The following NR6A1 variants were observed in gnomAD, a reference collection of about 807,000 sequenced individuals.
NR6A1 encodes the protein retinoic acid receptor-related testis-associated receptor.
A neutral mutation model predicts 59.1 loss-of-function variants in NR6A1; 7 were observed. That is an observed-to-expected ratio of 0.12 (90% confidence interval 0.07 to 0.22). The LOEUF (loss-of-function observed/expected upper bound fraction) is 0.22, where lower values mean the gene tolerates loss of function less well. Among genes scored for constraint, NR6A1 ranks in the 10% least tolerant of loss-of-function variants. NR6A1 has a pLI of 1.00. For synonymous variants in NR6A1, 243 were observed against 236.1 expected (o/e 1.03, Z -0.27); for missense variants, 468 against 611.6 (o/e 0.77, Z 2.48).
chr9:124,622,256 C>G (rs1389440694), intron 2 of NR6A1, among the ~76,000 whole-genome samples: 1 of 152,178 alleles, frequency 6.6e-6, no homozygotes, highest in Non-Finnish European at 1.5e-5. Context: ...ACGCTCTTCT[C>G]CAGTTTACAC....
intron 8 of NR6A1, 137 bp downstream of exon 8, chr9:124,526,642 T>C (rs1340410312): frequency 7.8e-7 from 1 of 1,284,038 alleles, no homozygotes; most frequent in Non-Finnish European, 1.1e-6. Flanking sequence ...GCACAAGTCT[T>C]CCTGGATTGA....
At chr9:124,543,700 T>A (rs897880399) in intron 4 of NR6A1, 102 bp downstream of exon 4, 4 of 784,384 alleles carry the variant, frequency 5.1e-6, no homozygotes, top group Admixed American at 3.3e-5. Context: ...CAAAGATGGC[T>A]CTCCTCAGCA....
rs191727884 is a variant in NR6A1, at chr9:124,669,886, C to G, written c.142+63422G>C. ...TGCTGGAATTACAGGGGTGAGCCACCGTGCCCAGCCTTATTTTCTTGACTC... is the reference window on the plus strand; with the variant it reads ...TGCTGGAATTACAGGGGTGAGCCACGGTGCCCAGCCTTATTTTCTTGACTC... On this transcript the variant is annotated intron_variant, in intron 2 of 9. Coordinates refer to ENST00000487099, the MANE Select transcript of NR6A1 (RefSeq NM_033334.4). Among the ~76,000 whole-genome samples the G allele has an allele frequency of 3.3e-5, 5 of 152,106 alleles. No homozygotes were observed. The East Asian group carries it at 9.6e-4, about 29-fold the overall frequency.
In NR6A1 at chr9:124,627,887, T is replaced by C. The variant is rs1434527460; in HGVS notation, c.143-73317A>G. On this transcript the variant is annotated intron_variant, in intron 2 of 9. Transcript: ENST00000487099. ...CATGCCTGGTCTGAGATTTTCTTTT[T>C]TTTTTTTTTTTTTTTTTTTTTTTCA... 4.1e-5 allele frequency among the ~76,000 whole-genome samples: 5 copies of C among 120,756 alleles called. No homozygotes were observed. In the East Asian group the frequency reaches 6.0e-4, roughly 15 times the overall value. The allele number at this position is 120,756 out of a possible 152,430, so 79.2% of individuals were successfully genotyped here.
intron 1 of NR6A1, among the ~76,000 whole-genome samples, chr9:124,760,299 G>A (rs1031636154): frequency 6.6e-6 from 1 of 151,614 alleles, no homozygotes; most frequent in East Asian, 1.9e-4. Flanking sequence ...GAGACAGAGT[G>A]AGACTCCAAC....
Position 124,771,301 on chromosome 9 carries a change from C to T in NR6A1, c.-182G>A, listed in dbSNP as rs763972304. The stretch of plus-strand genomic sequence containing the variant: ...GCTCCGCGCCCCTCCGCGCCGCGCC[C>T]CCTCAGCACTGGCCAGCTCCCTCCC... On this transcript the variant is annotated 5_prime_UTR_variant, in exon 1 of 10. Transcript: ENST00000487099. 7 of 389,320 alleles carry T rather than the reference C, an allele frequency of 1.8e-5. No homozygotes were observed. The highest frequency in any genetic ancestry group is 9.0e-5 in the Admixed American group (2 of 22,280). The allele number at this position is 389,320 out of a possible 1,614,324, so 24.1% of individuals were successfully genotyped here.
chr9:124,623,040 T>C (rs1836125868), intron 2 of NR6A1, among the ~76,000 whole-genome samples: 1 of 152,074 alleles, frequency 6.6e-6, no homozygotes, highest in Non-Finnish European at 1.5e-5. Flanking sequence ...AATCCAGAAG[T>C]ATATTTCCCT....
chr9:124,562,368 A>G (rs1419910695), intron 2 of NR6A1, among the ~76,000 whole-genome samples: 1 of 152,226 alleles, frequency 6.6e-6, no homozygotes, highest in Non-Finnish European at 1.5e-5. Context: ...GAAAAAAGGT[A>G]ACATGCTTGG....
Position 124,771,058 on chromosome 9 carries a change from A to G in NR6A1, c.62T>C (p.Leu21Pro), listed in dbSNP as rs974148297. The change falls in exon 1 of 10, where the codon CTG (leucine) becomes CCG (proline). Residue 21 changes from leucine to proline, a missense_variant. By Grantham distance (98) the Leu-to-Pro change is moderately conservative. Transcript: ENST00000487099. ...GGGGGGSAGF[L>P]EPPAALPPPP... Reference sequence around the variant, plus strand: ...CGGAGGGAGCGCGGCGGGAGGCTCCAGGAACCCCGCCGAGCCCCCGCCGCC... The same window carrying G: ...CGGAGGGAGCGCGGCGGGAGGCTCCGGGAACCCCGCCGAGCCCCCGCCGCC... 4.9e-6 allele frequency: 6 copies of G among 1,230,296 alleles called. No individual in the cohort carries two copies. The highest frequency in any genetic ancestry group is 6.1e-6 in the Non-Finnish European group (6 of 987,106). 76.2% of individuals were successfully genotyped at this position (1,230,296 alleles called of 1,614,324 possible).
At chr9:124,573,035 G>A (rs2131435766) in intron 2 of NR6A1, among the ~76,000 whole-genome samples, 1 of 152,290 alleles carries the variant, frequency 6.6e-6, no homozygotes, top group South Asian at 2.1e-4. Flanking sequence ...GTTCAAAGTT[G>A]TATTAAGCTG....
At chr9:124,718,878 G>A (rs1414314002) in intron 2 of NR6A1, among the ~76,000 whole-genome samples, 9 of 131,316 alleles carry the variant, frequency 6.9e-5, no homozygotes, top group Non-Finnish European at 1.2e-4. Flanking sequence ...ACAGTGGCGC[G>A]ATCTTGGCTC....
chr9:124,679,347 A>T (rs897751961), intron 2 of NR6A1, among the ~76,000 whole-genome samples: 3 of 152,188 alleles, frequency 2.0e-5, no homozygotes, highest in Non-Finnish European at 2.9e-5. Flanking sequence ...GTTAAGCTGT[A>T]AACTGACTAC....
At position 124,770,588 on chromosome 9, in the gene NR6A1, C is replaced by G. The variant is rs978724992; in HGVS notation, c.100+432G>C. On this transcript the variant is annotated intron_variant, in intron 1 of 9. Transcript: ENST00000487099. Reference sequence around the variant, plus strand: ...AGGGAACCCGAGTGAGGGGATGCCCCCACTGACGGACCGCGGTGGGGACTT... The same window carrying G: ...AGGGAACCCGAGTGAGGGGATGCCCGCACTGACGGACCGCGGTGGGGACTT... 5.4e-5 allele frequency among the ~76,000 whole-genome samples: 8 copies of G among 149,344 alleles called. No homozygotes were observed. The East Asian group carries it at 1.4e-3, about 26-fold the overall frequency.
intron 1 of NR6A1, among the ~76,000 whole-genome samples, chr9:124,737,946 G>A (rs1306151148): frequency 2.6e-5 from 4 of 152,014 alleles, no homozygotes; most frequent in Admixed American, 6.6e-5. Flanking sequence ...ATGGTAAAAC[G>A]CCATCTCTAC....
intron 2 of NR6A1, among the ~76,000 whole-genome samples, chr9:124,620,385 A>G (rs1836033539): frequency 6.6e-6 from 1 of 152,242 alleles, no homozygotes. Context: ...CATATGTCCA[A>G]AGACTTGCAT....
In NR6A1 at chr9:124,703,207, A is replaced by ATTTTT. The variant is rs80014383; in HGVS notation, c.142+30096_142+30100dup. On this transcript the variant is annotated intron_variant, in intron 2 of 9. Transcript: ENST00000487099. ...GGCGTGAGCCACCACACACGGCCAC[A>ATTTTT]TTTTTTTTTTTTTTTTTTTTTTTGA... 5.0e-3 allele frequency among the ~76,000 whole-genome samples: 521 copies of ATTTTT among 104,542 alleles called. 7 individuals carry two copies. The highest frequency in any genetic ancestry group is 0.02 in the African/African-American group (497 of 24,826). The allele number at this position is 104,542 out of a possible 152,430, so 68.6% of individuals were successfully genotyped here. A position where few individuals can be genotyped will look rare whatever the true frequency, so the allele number is the denominator to read the frequency against.
At chr9:124,579,747 A>G (rs1834707434) in intron 2 of NR6A1, among the ~76,000 whole-genome samples, 2 of 152,200 alleles carry the variant, frequency 1.3e-5, no homozygotes, top group South Asian at 4.1e-4. Flanking sequence ...ACGGTAGCTC[A>G]TACCTGTAAT....
chr9:124,648,668 C>A (rs1837006377), intron 2 of NR6A1, among the ~76,000 whole-genome samples: 1 of 151,044 alleles, frequency 6.6e-6, no homozygotes, highest in Non-Finnish European at 1.5e-5. Flanking sequence ...TCCTTGTTTG[C>A]AGACATGATC....
At chr9:124,631,926 T>C (rs1207393107) in intron 2 of NR6A1, among the ~76,000 whole-genome samples, 1 of 152,230 alleles carries the variant, frequency 6.6e-6, no homozygotes, top group East Asian at 1.9e-4. Context: ...GTATTTGGCT[T>C]TCTGTTCCTG....
Sources: gnomAD v4.1 joint callset for allele counts (sites outside exome capture counted in the v4.1 genomes callset) on GRCh38, gnomAD v4.1.1 for gene constraint, MANE v1.5 for transcripts, NCBI Gene and HGNC (gene_info 2026-07-23, HGNC 2026-07-21) for gene names.